Variants in MMP16 observed in about 807,000 individuals in gnomAD.
MMP16 encodes the protein matrix metallopeptidase 16.
In MMP16, 12 loss-of-function variants were observed where a neutral mutation model predicts 67.8. The observed-to-expected ratio is 0.18, with a 90% confidence interval of 0.11 to 0.29. The LOEUF (loss-of-function observed/expected upper bound fraction) is 0.29, where lower values mean the gene tolerates loss of function less well. MMP16 is among the 10% of genes least tolerant of loss of function. The probability of loss-of-function intolerance (pLI) is 1.00; values close to 1 mark genes in which losing one functional copy is unlikely to be tolerated. For synonymous variants in MMP16, 249 were observed against 255.9 expected, an observed-to-expected ratio of 0.97 and a Z score of 0.26; for missense variants, 475 against 765.7, an observed-to-expected ratio of 0.62 and a Z score of 4.48.
intron 4 of MMP16, among the ~76,000 whole-genome samples, chr8:88,148,717 C>T (rs1361308900): frequency 7.1e-6 from 1 of 141,736 alleles, no homozygotes; most frequent in Non-Finnish European, 1.5e-5. Context: ...TACATTATTG[C>T]TTATCTATTT....
chr8:88,144,317 G>A (rs1808257882), intron 4 of MMP16, among the ~76,000 whole-genome samples: 2 of 151,660 alleles, frequency 1.3e-5, no homozygotes, highest in Non-Finnish European at 3.0e-5. Flanking sequence ...AAAAAATCAG[G>A]CAGTTGGCAT....
rs1362186444 is a variant in MMP16, at chr8:88,037,069, CTATT to C, written c.*4388_*4391del. The C allele has an allele frequency of 1.3e-5, 2 of 150,600 alleles. No homozygotes were observed. Among genetic ancestry groups the C allele is most frequent in the African/African-American group, 4.9e-5 (2 of 40,996 alleles). The allele number at this position is 150,600 out of a possible 1,614,324, so 9.3% of individuals were successfully genotyped here. A position where few individuals can be genotyped will look rare whatever the true frequency, so the allele number is the denominator to read the frequency against. ...TTTGAGTTTAGTTAATATGGACACA[CTATT>C]TATTCCACTGTAAGATCCACAAAGT... is the stretch of plus-strand genomic sequence containing the variant. On this transcript the variant is annotated 3_prime_UTR_variant, in exon 10 of 10. Coordinates refer to ENST00000286614, the MANE Select transcript of MMP16 (RefSeq NM_005941.5).
At chr8:88,090,736 T>C (rs1230763663) in intron 6 of MMP16, among the ~76,000 whole-genome samples, 2 of 151,908 alleles carry the variant, frequency 1.3e-5, no homozygotes, top group Non-Finnish European at 2.9e-5. Context: ...AAATAGACAT[T>C]GTTCCATTTA....
At chr8:88,165,956 C>T (rs1563551505) in intron 4 of MMP16, among the ~76,000 whole-genome samples, 1 of 152,096 alleles carries the variant, frequency 6.6e-6, no homozygotes, top group Non-Finnish European at 1.5e-5. Context: ...TAATACAGCA[C>T]ATGCAACTAT....
At chr8:88,182,280 C>T (rs1342420001) in intron 3 of MMP16, among the ~76,000 whole-genome samples, 1 of 151,994 alleles carries the variant, frequency 6.6e-6, no homozygotes, top group Non-Finnish European at 1.5e-5. Context: ...ACACAATATA[C>T]AGAAAATCTT....
intron 3 of MMP16, among the ~76,000 whole-genome samples, chr8:88,176,958 T>G (rs1403713281): frequency 6.6e-6 from 1 of 152,208 alleles, no homozygotes; most frequent in African/African-American, 2.4e-5. Context: ...TTGTTGGAAT[T>G]GCATCGATTT....
intron 1 of MMP16, among the ~76,000 whole-genome samples, chr8:88,312,740 G>A (rs550886778): frequency 4.6e-5 from 7 of 152,066 alleles, no homozygotes; most frequent in African/African-American, 1.2e-4. Flanking sequence ...AGGCTGAGGC[G>A]GGCAGATCAC....
intron 4 of MMP16, among the ~76,000 whole-genome samples, chr8:88,122,009 A>G (rs1807848670): frequency 6.6e-6 from 1 of 152,008 alleles, no homozygotes; most frequent in Non-Finnish European, 1.5e-5. Flanking sequence ...GCATCACTGA[A>G]TCTCTCTCTG....
intron 1 of MMP16, among the ~76,000 whole-genome samples, chr8:88,280,659 G>A (rs965076998): frequency 6.6e-6 from 1 of 152,168 alleles, no homozygotes; most frequent in Non-Finnish European, 1.5e-5. Flanking sequence ...GGGAGGCCAA[G>A]GTGAGAGGAT....
chr8:88,155,049 G>T (rs183987875), intron 4 of MMP16, among the ~76,000 whole-genome samples: 3 of 151,970 alleles, frequency 2.0e-5, no homozygotes, highest in Non-Finnish European at 4.4e-5. Context: ...CAAAATGTTT[G>T]TTGAAGGATG....
intron 6 of MMP16, among the ~76,000 whole-genome samples, chr8:88,094,426 T>A (rs1433894029): frequency 6.6e-6 from 1 of 151,684 alleles, no homozygotes; most frequent in Non-Finnish European, 1.5e-5. Context: ...ACAACCTTTT[T>A]AACACTAAAT....
chr8:88,312,105 T>C (rs910035240), intron 1 of MMP16, among the ~76,000 whole-genome samples: 3 of 152,112 alleles, frequency 2.0e-5, no homozygotes, highest in African/African-American at 7.2e-5. Context: ...TCAGAACATC[T>C]GTCATTGTAC....
At chr8:88,127,039 C>T (rs1047209543) in intron 4 of MMP16, among the ~76,000 whole-genome samples, 33 of 151,914 alleles carry the variant, frequency 2.2e-4, no homozygotes, top group African/African-American at 8.0e-4. Flanking sequence ...CTCCAGTACA[C>T]TGGATCGCAG....
chr8:88,069,819 G>C (rs1028091476), intron 7 of MMP16, among the ~76,000 whole-genome samples: 5 of 152,026 alleles, frequency 3.3e-5, no homozygotes, highest in African/African-American at 1.2e-4. Flanking sequence ...ATAAGCATAA[G>C]GCAGGCTAAT....
chr8:88,310,680 C>T (rs1014568896), intron 1 of MMP16, among the ~76,000 whole-genome samples: 4 of 152,120 alleles, frequency 2.6e-5, no homozygotes, highest in Non-Finnish European at 4.4e-5. Flanking sequence ...CTGTGAGAGA[C>T]AGCTGTGAAT....
chr8:88,203,759 T>A (rs1015056659), intron 1 of MMP16, among the ~76,000 whole-genome samples: 12 of 152,204 alleles, frequency 7.9e-5, no homozygotes, highest in Admixed American at 5.2e-4. Context: ...TGCTGGTTGT[T>A]TCATAGCAAG....
chr8:88,128,169 G>A (rs939412093), intron 4 of MMP16, among the ~76,000 whole-genome samples: 4 of 151,838 alleles, frequency 2.6e-5, no homozygotes, highest in African/African-American at 9.7e-5. Context: ...TTGGAAGCCA[G>A]TACATGCTTG....
At chr8:88,119,945 T>C (rs1287929863) in intron 4 of MMP16, among the ~76,000 whole-genome samples, 2 of 152,160 alleles carry the variant, frequency 1.3e-5, no homozygotes, top group East Asian at 3.9e-4. Flanking sequence ...ACTATAAGAA[T>C]TGCCTTCAGA....
intron 6 of MMP16, among the ~76,000 whole-genome samples, chr8:88,095,871 C>T (rs1273793624): frequency 6.6e-6 from 1 of 151,896 alleles, no homozygotes; most frequent in African/African-American, 2.4e-5. Context: ...AGGCGCTATG[C>T]TAGGCATTGG....
Sources: allele counts gnomAD v4.1 joint callset (sites outside exome capture counted in the v4.1 genomes callset), GRCh38; gene constraint gnomAD v4.1.1; transcripts MANE v1.5; gene names NCBI Gene and HGNC (gene_info 2026-07-23, HGNC 2026-07-21).